Variants in ZFAND3 observed in about 807,000 individuals in gnomAD.
The protein encoded by ZFAND3 is AN1-type zinc finger protein 3.
In ZFAND3, 10 loss-of-function variants were observed where a neutral mutation model predicts 29.6. That is an observed-to-expected ratio of 0.34 (90% CI 0.21 to 0.57). The LOEUF is 0.57. ZFAND3 is among the 20% of genes least tolerant of loss of function. ZFAND3 has a pLI of 0.86. For synonymous variants in ZFAND3, 128 were observed against 112.6 expected, an observed-to-expected ratio of 1.14 and a Z score of -0.87; for missense variants, 230 against 304.5, an observed-to-expected ratio of 0.76 and a Z score of 1.82.
At chr6:37,960,961 T>C (rs1035092763) in intron 2 of ZFAND3, among the ~76,000 whole-genome samples, 5 of 152,070 alleles carry the variant, frequency 3.3e-5, no homozygotes, top group African/African-American at 1.2e-4. Context: ...GGGATGTACC[T>C]ATAGTCAGGA....
At chr6:37,980,077 A>G (rs905743149) in intron 2 of ZFAND3, among the ~76,000 whole-genome samples, 4 of 151,740 alleles carry the variant, frequency 2.6e-5, no homozygotes, top group African/African-American at 9.7e-5. Flanking sequence ...TCTCTGTTCC[A>G]TGGCCCAGTA....
intron 2 of ZFAND3, chr6:38,003,655 C>T (rs1298173621): frequency 2.1e-5 from 7 of 336,098 alleles, no homozygotes; most frequent in Non-Finnish European, 3.5e-5. Context: ...TGCACCACCA[C>T]GACCAGCTAA....
chr6:38,107,606 C>G (rs577934569), intron 4 of ZFAND3, among the ~76,000 whole-genome samples: 4 of 152,114 alleles, frequency 2.6e-5, no homozygotes, highest in African/African-American at 9.7e-5. Context: ...CCGAGGTGGG[C>G]GGATTACCTC....
At chr6:38,085,750 G>T (rs1435381830) in intron 4 of ZFAND3, among the ~76,000 whole-genome samples, 1 of 152,068 alleles carries the variant, frequency 6.6e-6, no homozygotes, top group African/African-American at 2.4e-5. Context: ...CATACATGCA[G>T]TTTATAAACA....
chr6:37,835,492 T>G (rs989959261), intron 1 of ZFAND3, among the ~76,000 whole-genome samples: 2 of 151,352 alleles, frequency 1.3e-5, no homozygotes, highest in Non-Finnish European at 2.9e-5. Context: ...TTAAATGTAT[T>G]CTGGATGAGT....
intron 1 of ZFAND3, among the ~76,000 whole-genome samples, chr6:37,894,065 G>A (rs916253736): frequency 1.3e-4 from 20 of 152,010 alleles, no homozygotes; most frequent in African/African-American, 4.6e-4. Context: ...GAGCAGCCTG[G>A]GCAACATGGT....
intron 2 of ZFAND3, among the ~76,000 whole-genome samples, chr6:37,949,473 C>T (rs1045189037): frequency 2.0e-5 from 3 of 152,098 alleles, no homozygotes; most frequent in Non-Finnish European, 4.4e-5. Context: ...TCCTCCAGTT[C>T]AATTCTGACA....
chr6:38,041,631 T>TAC (rs1554169126), intron 2 of ZFAND3, among the ~76,000 whole-genome samples: 1 of 56,196 alleles, frequency 1.8e-5, no homozygotes, highest in African/African-American at 5.5e-5. Context: ...TTATCTACTT[T>TAC]TTCTTCTTCT....
chr6:37,940,176 A>AT (rs776241865), intron 2 of ZFAND3, among the ~76,000 whole-genome samples: 1 of 152,196 alleles, frequency 6.6e-6, no homozygotes, highest in Non-Finnish European at 1.5e-5. Context: ...CTTGTCAGGA[A>AT]TATGGATAAC....
At chr6:37,949,790 G>A (rs1761965107) in intron 2 of ZFAND3, among the ~76,000 whole-genome samples, 1 of 152,138 alleles carries the variant, frequency 6.6e-6, no homozygotes, top group Non-Finnish European at 1.5e-5. Flanking sequence ...TGTGGAGATG[G>A]GGTGCACGAC....
chr6:37,988,507 A>G (rs1308386001), intron 2 of ZFAND3, among the ~76,000 whole-genome samples: 1 of 152,062 alleles, frequency 6.6e-6, no homozygotes, highest in East Asian at 1.9e-4. Context: ...ATTTTCCCCC[A>G]TGTAGTTCAA....
intron 2 of ZFAND3, among the ~76,000 whole-genome samples, chr6:37,977,729 G>C (rs1184458785): frequency 6.7e-6 from 1 of 148,304 alleles, no homozygotes; most frequent in Non-Finnish European, 1.5e-5. Context: ...AGATGCTCTT[G>C]ATTAGGTTAA....
intron 2 of ZFAND3, among the ~76,000 whole-genome samples, chr6:38,031,685 A>G (rs1430422311): frequency 6.6e-6 from 1 of 152,192 alleles, no homozygotes; most frequent in East Asian, 1.9e-4. Context: ...AGATATTAAT[A>G]ATTATAACCG....
chr6:38,081,519 C>A lies in ZFAND3; in HGVS notation c.296-873C>A, dbSNP rs552786195. 1.1e-4 allele frequency among the ~76,000 whole-genome samples: 17 copies of A among 152,170 alleles called. No individual in the cohort carries two copies. The Middle Eastern group carries it at 0.01, about 91-fold the overall frequency. On this transcript the variant is annotated intron_variant, in intron 3 of 5. Coordinates refer to ENST00000287218, the MANE Select transcript of ZFAND3 (RefSeq NM_021943.3). ...GGAGATACACAACTCTGCCAAGTAA[C>A]CATCTTTTACTTCTGCTAGTCACAG...
At chr6:37,999,081 G>C (rs539389907) in intron 2 of ZFAND3, among the ~76,000 whole-genome samples, 1 of 152,214 alleles carries the variant, frequency 6.6e-6, no homozygotes, top group East Asian at 1.9e-4. Context: ...TATATAAATT[G>C]AGCTTTGAAC....
At chr6:37,960,937 C>T (rs1762184274) in intron 2 of ZFAND3, among the ~76,000 whole-genome samples, 1 of 151,782 alleles carries the variant, frequency 6.6e-6, no homozygotes, top group South Asian at 2.1e-4. Flanking sequence ...AAAAAAAAAT[C>T]AGCTGGGTGT....
intron 1 of ZFAND3, among the ~76,000 whole-genome samples, chr6:37,849,417 A>C (rs577513697): frequency 8.0e-4 from 122 of 151,944 alleles, no homozygotes; most frequent in African/African-American, 2.8e-3. Context: ...TTTTCTTCTT[A>C]TTATTTTTGA....
At chr6:37,830,559 G>C (rs1428320061) in intron 1 of ZFAND3, among the ~76,000 whole-genome samples, 1 of 152,176 alleles carries the variant, frequency 6.6e-6, no homozygotes, top group Non-Finnish European at 1.5e-5. Flanking sequence ...CAGCAAAATT[G>C]GTGTTCCATC....
chr6:38,073,644 C>T (rs1364639147), intron 3 of ZFAND3, among the ~76,000 whole-genome samples: 1 of 152,108 alleles, frequency 6.6e-6, no homozygotes, highest in Admixed American at 6.5e-5. Flanking sequence ...CTATTTTTAT[C>T]CCCAAGAGGG....
Sources: gnomAD v4.1 joint callset for allele counts (sites outside exome capture counted in the v4.1 genomes callset) on GRCh38, gnomAD v4.1.1 for gene constraint, MANE v1.5 for transcripts, NCBI Gene and HGNC (gene_info 2026-07-23, HGNC 2026-07-21) for gene names.